Variants in ASAP1 observed in about 807,000 individuals in gnomAD.
ASAP1 encodes ArfGAP with SH3 domain, ankyrin repeat and PH domain 1.
Under a neutral mutation model 145.2 loss-of-function variants are expected in ASAP1, and 43 were observed. That is an observed-to-expected ratio of 0.30 (90% CI 0.23 to 0.38). The LOEUF is 0.38. ASAP1 is among the 10% of genes least tolerant of loss of function. The pLI is 1.00. For missense variants in ASAP1, 1,018 were observed against 1,355.3 expected, an observed-to-expected ratio of 0.75 and a Z score of 3.91; for synonymous variants, 546 against 515.5, an observed-to-expected ratio of 1.06 and a Z score of -0.80.
At chr8:130,219,330 AGAGT>A (rs1817146642) in intron 4 of ASAP1, among the ~76,000 whole-genome samples, 1 of 151,360 alleles carries the variant, frequency 6.6e-6, no homozygotes, top group African/African-American at 2.4e-5. Flanking sequence ...ACAGGCACAG[AGAGT>A]GAGACAGCAA....
intron 3 of ASAP1, among the ~76,000 whole-genome samples, chr8:130,296,253 G>T (rs545076964): frequency 6.6e-6 from 1 of 152,184 alleles, no homozygotes. Flanking sequence ...CTAAACAGAG[G>T]TTTACCTGGT....
At chr8:130,353,271 T>C (rs1364995849) in intron 3 of ASAP1, among the ~76,000 whole-genome samples, 1 of 152,178 alleles carries the variant, frequency 6.6e-6, no homozygotes, top group East Asian at 1.9e-4. Context: ...TCCCCAAAAA[T>C]GTGTTGAACA....
intron 3 of ASAP1, among the ~76,000 whole-genome samples, chr8:130,283,188 C>A (rs1821355284): frequency 1.3e-5 from 2 of 152,152 alleles, no homozygotes; most frequent in Middle Eastern, 3.2e-3. Context: ...TCCACACCAG[C>A]TGGAAAAGTA....
chr8:130,239,567 G>C (rs1435051615), intron 3 of ASAP1, among the ~76,000 whole-genome samples: 1 of 152,028 alleles, frequency 6.6e-6, no homozygotes, highest in East Asian at 1.9e-4. Context: ...CATCATATGG[G>C]GGAGGTGACG....
chr8:130,273,669 A>C (rs1820713534), intron 3 of ASAP1, among the ~76,000 whole-genome samples: 1 of 152,228 alleles, frequency 6.6e-6, no homozygotes, highest in Non-Finnish European at 1.5e-5. Flanking sequence ...AACCTGGCTT[A>C]TAATGTCATT....
chr8:130,433,830 CTGTGAGAGTTTTCACAA>C (rs1830217239), intron 1 of ASAP1, among the ~76,000 whole-genome samples: 1 of 152,236 alleles, frequency 6.6e-6, no homozygotes, highest in Non-Finnish European at 1.5e-5. Flanking sequence ...CCTTAAAAAA[CTGTGAGAGTTTTCACAA>C]TTTACAGACT....
chr8:130,416,457 G>A (rs1443626533), intron 1 of ASAP1, among the ~76,000 whole-genome samples: 3 of 152,178 alleles, frequency 2.0e-5, no homozygotes, highest in African/African-American at 7.2e-5. Flanking sequence ...TCCCATCAGA[G>A]TCAGTTCCCA....
At chr8:130,216,615 C>T (rs1816944763) in intron 4 of ASAP1, among the ~76,000 whole-genome samples, 1 of 152,156 alleles carries the variant, frequency 6.6e-6, no homozygotes, top group African/African-American at 2.4e-5. Context: ...TGAGGCCCCT[C>T]AGTCTTGGAC....
At chr8:130,373,746 C>A (rs1827339211) in intron 2 of ASAP1, among the ~76,000 whole-genome samples, 1 of 148,846 alleles carries the variant, frequency 6.7e-6, no homozygotes, top group African/African-American at 2.5e-5. Flanking sequence ...ACTTGGGAGG[C>A]TGAGGCAGGA....
At chr8:130,067,084 G>C (rs2097432381) in intron 27 of ASAP1, among the ~76,000 whole-genome samples, 1 of 152,140 alleles carries the variant, frequency 6.6e-6, no homozygotes, top group Non-Finnish European at 1.5e-5. Flanking sequence ...GCTGCTCATT[G>C]AAAGCAAACT....
intron 3 of ASAP1, among the ~76,000 whole-genome samples, chr8:130,251,256 A>G (rs1336550266): frequency 6.6e-6 from 1 of 152,122 alleles, no homozygotes; most frequent in African/African-American, 2.4e-5. Flanking sequence ...CATTTCTACT[A>G]AAAATACAAA....
intron 9 of ASAP1, among the ~76,000 whole-genome samples, chr8:130,177,943 G>C (rs1312880975): frequency 6.6e-6 from 1 of 152,156 alleles, no homozygotes; most frequent in Non-Finnish European, 1.5e-5. Context: ...AACCCAGCTT[G>C]ACGAGTGAGT....
At chr8:130,269,909 C>G (rs766016269) in intron 3 of ASAP1, among the ~76,000 whole-genome samples, 2 of 152,232 alleles carry the variant, frequency 1.3e-5, no homozygotes, top group African/African-American at 2.4e-5. Context: ...GTGGCTCACA[C>G]CTATTATCCC....
At chr8:130,147,990 C>T (rs560817763) in intron 13 of ASAP1, among the ~76,000 whole-genome samples, 28 of 152,304 alleles carry the variant, frequency 1.8e-4, no homozygotes, top group African/African-American at 6.7e-4. Flanking sequence ...AGATGTAATG[C>T]ATTATTTAGG....
chr8:130,262,457 A>AGAGAGAGAG (rs796416744), intron 3 of ASAP1, among the ~76,000 whole-genome samples: 3 of 127,802 alleles, frequency 2.3e-5, no homozygotes, highest in African/African-American at 5.8e-5. Context: ...AGAGAGAGAG[A>AGAGAGAGAG]ACCTGTGGAA....
intron 4 of ASAP1, among the ~76,000 whole-genome samples, chr8:130,235,550 A>G (rs1467454066): frequency 6.6e-6 from 1 of 152,186 alleles, no homozygotes; most frequent in Non-Finnish European, 1.5e-5. Context: ...AATAAAAGCG[A>G]AAGGGCAGGA....
At chr8:130,361,913 AAAGC>A in intron 2 of ASAP1, 1 of 683,192 alleles carries the variant, frequency 1.5e-6, no homozygotes, top group South Asian at 1.6e-5. Context: ...GGCTTTATAT[AAAGC>A]AAGCATCATC....
chr8:130,393,926 A>G (rs1828400443), intron 2 of ASAP1, among the ~76,000 whole-genome samples: 1 of 152,380 alleles, frequency 6.6e-6, no homozygotes, highest in East Asian at 1.9e-4. Flanking sequence ...TTTCATGGAC[A>G]CTTATCACTT....
intron 24 of ASAP1, among the ~76,000 whole-genome samples, chr8:130,101,581 T>A (rs1564959471): frequency 6.6e-6 from 1 of 151,954 alleles, no homozygotes; most frequent in Non-Finnish European, 1.5e-5. Context: ...ATTTTTCTTT[T>A]TTTTTCTGAG....
Sources: allele counts gnomAD v4.1 joint callset (sites outside exome capture counted in the v4.1 genomes callset), GRCh38; gene constraint gnomAD v4.1.1; transcripts MANE v1.5; gene names NCBI Gene and HGNC (gene_info 2026-07-23, HGNC 2026-07-21).